Variants in MAGI2 observed in about 807,000 individuals in gnomAD.
MAGI2 encodes membrane-associated guanylate kinase, WW and PDZ domain-containing protein 2.
A neutral mutation model predicts 133.3 loss-of-function variants in MAGI2; 35 were observed. That is an observed-to-expected ratio of 0.26 (90% confidence interval 0.20 to 0.35). The LOEUF (loss-of-function observed/expected upper bound fraction) is 0.35, where lower values mean the gene tolerates loss of function less well. Among genes scored for constraint, MAGI2 ranks in the 10% least tolerant of loss-of-function variants. The probability of loss-of-function intolerance (pLI) is 1.00; values close to 1 mark genes in which losing one functional copy is unlikely to be tolerated. For synonymous variants in MAGI2, 729 were observed against 710.6 expected, an observed-to-expected ratio of 1.03 and a Z score of -0.41; for missense variants, 1,636 against 1,863.4, an observed-to-expected ratio of 0.88 and a Z score of 2.25.
At chr7:79,321,385 A>G (rs1448304070) in intron 1 of MAGI2, among the ~76,000 whole-genome samples, 1 of 152,160 alleles carries the variant, frequency 6.6e-6, no homozygotes, top group East Asian at 1.9e-4. Context: ...AGACATAGCC[A>G]TATATCCATG....
At chr7:78,157,808 C>T (rs1824546221) in intron 16 of MAGI2, among the ~76,000 whole-genome samples, 1 of 152,130 alleles carries the variant, frequency 6.6e-6, no homozygotes, top group Admixed American at 6.6e-5. Context: ...GTGAATCCAT[C>T]GTACTGACAG....
intron 2 of MAGI2, among the ~76,000 whole-genome samples, chr7:78,695,578 T>C (rs543795917): frequency 2.0e-5 from 3 of 152,290 alleles, no homozygotes; most frequent in East Asian, 1.9e-4. Context: ...TCACCACTGG[T>C]CATCCTTCTA....
chr7:79,209,189 AT>A (rs757685618), intron 1 of MAGI2, among the ~76,000 whole-genome samples: 2 of 151,828 alleles, frequency 1.3e-5, no homozygotes, highest in Non-Finnish European at 2.9e-5. Flanking sequence ...CACTATAAAA[AT>A]AATAACTATG....
At chr7:79,093,591 G>A (rs910803739) in intron 1 of MAGI2, among the ~76,000 whole-genome samples, 1 of 152,126 alleles carries the variant, frequency 6.6e-6, no homozygotes, top group Non-Finnish European at 1.5e-5. Flanking sequence ...CAATCTTCTT[G>A]CTGGTTAGAG....
intron 20 of MAGI2, among the ~76,000 whole-genome samples, chr7:78,094,309 A>C (rs192819754): frequency 6.6e-6 from 1 of 152,270 alleles, no homozygotes; most frequent in East Asian, 1.9e-4. Flanking sequence ...GCCTTAAACT[A>C]TGGCTCTTGT....
chr7:79,086,094 T>C (rs1266817520), intron 1 of MAGI2, among the ~76,000 whole-genome samples: 2 of 151,914 alleles, frequency 1.3e-5, no homozygotes, highest in South Asian at 2.1e-4. Flanking sequence ...TCCTTTTAGA[T>C]TGTTTTTAGC....
At chr7:78,676,767 C>T (rs556604732) in intron 2 of MAGI2, among the ~76,000 whole-genome samples, 17 of 152,082 alleles carry the variant, frequency 1.1e-4, no homozygotes, top group Non-Finnish European at 2.4e-4. Flanking sequence ...CTGTGATGAA[C>T]GTGGATATTA....
At chr7:78,099,405 G>A (rs1471221185) in intron 20 of MAGI2, among the ~76,000 whole-genome samples, 2 of 152,004 alleles carry the variant, frequency 1.3e-5, no homozygotes, top group Non-Finnish European at 2.9e-5. Context: ...ATGCCCAATT[G>A]CCTATTCCAG....
At chr7:79,237,644 G>A (rs548184291) in intron 1 of MAGI2, among the ~76,000 whole-genome samples, 14 of 152,276 alleles carry the variant, frequency 9.2e-5, no homozygotes, top group African/African-American at 2.9e-4. Context: ...AACACTCACA[G>A]TTGGAGTTCT....
intron 2 of MAGI2, among the ~76,000 whole-genome samples, chr7:78,740,115 C>A (rs1303620784): frequency 3.3e-5 from 5 of 151,522 alleles, no homozygotes; most frequent in Non-Finnish European, 7.4e-5. Context: ...GAGCCGAGAT[C>A]GCGCCACTGC....
At chr7:78,992,750 T>C (rs1004100867) in intron 2 of MAGI2, among the ~76,000 whole-genome samples, 3 of 152,060 alleles carry the variant, frequency 2.0e-5, no homozygotes, top group African/African-American at 7.2e-5. Context: ...ACTCATATCA[T>C]GATTCTTTAA....
chr7:78,813,825 T>C (rs2151414600), intron 2 of MAGI2, among the ~76,000 whole-genome samples: 1 of 144,590 alleles, frequency 6.9e-6, no homozygotes, highest in East Asian at 2.1e-4. Context: ...AACAAAAAAC[T>C]ATCAGCAGGA....
intron 3 of MAGI2, among the ~76,000 whole-genome samples, chr7:78,555,929 A>G (rs1371096794): frequency 6.6e-6 from 1 of 152,228 alleles, no homozygotes; most frequent in Non-Finnish European, 1.5e-5. Context: ...CTAAAAGCAC[A>G]TAATAATGCA....
chr7:78,886,444 G>A (rs1201253601), intron 2 of MAGI2, among the ~76,000 whole-genome samples: 2 of 152,170 alleles, frequency 1.3e-5, no homozygotes, highest in Non-Finnish European at 2.9e-5. Flanking sequence ...GAGCCAATGT[G>A]ATTGACTGAT....
At chr7:78,249,432 G>A (rs1286807085) in intron 10 of MAGI2, among the ~76,000 whole-genome samples, 2 of 151,988 alleles carry the variant, frequency 1.3e-5, no homozygotes, top group Non-Finnish European at 2.9e-5. Context: ...AGTACTATTC[G>A]CAATAGCCAA....
At chr7:78,641,535 G>C (rs1030910989) in intron 2 of MAGI2, among the ~76,000 whole-genome samples, 1 of 152,140 alleles carries the variant, frequency 6.6e-6, no homozygotes, top group African/African-American at 2.4e-5. Context: ...TTAGGTTTTC[G>C]ATGCTTTGTG....
chr7:78,813,061 C>T (rs1789214189), intron 2 of MAGI2, among the ~76,000 whole-genome samples: 1 of 152,192 alleles, frequency 6.6e-6, no homozygotes, highest in African/African-American at 2.4e-5. Context: ...TGAAACAACT[C>T]TTTGAGAACT....
intron 2 of MAGI2, among the ~76,000 whole-genome samples, chr7:78,720,762 T>C (rs985039884): frequency 3.9e-5 from 6 of 152,158 alleles, no homozygotes; most frequent in African/African-American, 1.4e-4. Context: ...TGAGAAAAAA[T>C]CATCTTTTCC....
rs541368803 is a variant in MAGI2, at chr7:78,177,547, T to C, written c.2403+464A>G. On this transcript the variant is annotated intron_variant, in intron 14 of 21. Transcript: ENST00000354212. ...TGCAGTTGACTTTATGAACACCTTC[T>C]GGTAATCCCTTAATTCAAATCTGGC... 7.2e-5 allele frequency among the ~76,000 whole-genome samples: 11 copies of C among 152,312 alleles called. No homozygotes were observed. The South Asian group carries it at 2.3e-3, about 32-fold the overall frequency.
Sources: gnomAD v4.1 joint callset for allele counts (sites outside exome capture counted in the v4.1 genomes callset) on GRCh38, gnomAD v4.1.1 for gene constraint, MANE v1.5 for transcripts, NCBI Gene and HGNC (gene_info 2026-07-23, HGNC 2026-07-21) for gene names.